Variants in CFAP77 observed in about 807,000 individuals in gnomAD.
CFAP77 encodes the protein cilia- and flagella-associated protein 77.
Under a neutral mutation model 31.1 loss-of-function variants are expected in CFAP77, and 25 were observed. That is an observed-to-expected ratio of 0.80 (90% confidence interval 0.59 to 1.12). The LOEUF (loss-of-function observed/expected upper bound fraction) is 1.12. Among genes scored for constraint, CFAP77 ranks in the 50% most tolerant of loss-of-function variants. The pLI is 0.00. For missense variants in CFAP77, 377 were observed against 397.3 expected (o/e 0.95, Z 0.44); for synonymous variants, 151 against 159.9 (o/e 0.94, Z 0.42).
chr9:132,486,319 C>T (rs1039604930), intron 1 of CFAP77, among the ~76,000 whole-genome samples: 1 of 151,198 alleles, frequency 6.6e-6, no homozygotes, highest in African/African-American at 2.4e-5. Context: ...GTCTCGATCT[C>T]CAGACCTCGT....
At chr9:132,553,229 C>T (rs904826575) in intron 5 of CFAP77, among the ~76,000 whole-genome samples, 1 of 152,192 alleles carries the variant, frequency 6.6e-6, no homozygotes, top group African/African-American at 2.4e-5. Flanking sequence ...GCCCCACCCT[C>T]ACGATCCCAT....
At chr9:132,441,319 T>C (rs890669259) in intron 1 of CFAP77, among the ~76,000 whole-genome samples, 8 of 152,226 alleles carry the variant, frequency 5.3e-5, no homozygotes, top group African/African-American at 1.9e-4. Context: ...GGTATCTTTC[T>C]GCAGTGCAAG....
chr9:132,510,716 C>T, intron 3 of CFAP77, among the ~76,000 whole-genome samples: 1 of 152,052 alleles, frequency 6.6e-6, no homozygotes, highest in East Asian at 1.9e-4. Flanking sequence ...GCTCACAGGA[C>T]AGAGCTGCAC....
In CFAP77 at chr9:132,410,331, T is replaced by C; in HGVS notation, c.60T>C (p.Pro20=). The change falls in exon 1 of 6, where the codon CCT becomes CCC. Residue 20 remains proline (P), a synonymous_variant. Transcript: ENST00000393216. ...CGCGATGGAGGAAGCAGCAGCAGCCTGTGCGCCGCACGGTCAGCCAGGTCT... is the reference window on the plus strand; with the variant it reads ...CGCGATGGAGGAAGCAGCAGCAGCCCGTGCGCCGCACGGTCAGCCAGGTCT... ...DLTRWRKQQQ[P]VRRTVSQVCP... 1.3e-6 allele frequency: 2 copies of C among 1,597,818 alleles called. No homozygotes were observed. The highest frequency in any genetic ancestry group is 2.3e-5 in the East Asian group (1 of 43,492).
At chr9:132,515,402 A>G (rs1336697162) in intron 3 of CFAP77, among the ~76,000 whole-genome samples, 1 of 152,090 alleles carries the variant, frequency 6.6e-6, no homozygotes, top group Non-Finnish European at 1.5e-5. Flanking sequence ...CCCTGGGCAC[A>G]CTTGCCTTCC....
intron 5 of CFAP77, among the ~76,000 whole-genome samples, chr9:132,555,309 C>A (rs2119089493): frequency 6.6e-6 from 1 of 152,298 alleles, no homozygotes; most frequent in East Asian, 1.9e-4. Flanking sequence ...AATAACAACA[C>A]CAAACCTCGT....
chr9:132,462,783 T>C (rs1468483459), intron 1 of CFAP77, among the ~76,000 whole-genome samples: 2 of 151,900 alleles, frequency 1.3e-5, no homozygotes, highest in African/African-American at 4.8e-5. Context: ...GCCACCGCAC[T>C]CCAGCTTGGG....
At chr9:132,493,869 C>G (rs1434605902) in intron 1 of CFAP77, among the ~76,000 whole-genome samples, 1 of 149,664 alleles carries the variant, frequency 6.7e-6, no homozygotes, top group African/African-American at 2.5e-5. Flanking sequence ...TTTCTCTTTT[C>G]TTTTCTTTCC....
intron 1 of CFAP77, among the ~76,000 whole-genome samples, chr9:132,477,246 C>G (rs927492123): frequency 3.9e-5 from 6 of 152,184 alleles, no homozygotes; most frequent in African/African-American, 1.4e-4. Context: ...AATCTGTAAA[C>G]CCGGCACAAG....
chr9:132,503,874 C>G (rs913501128), intron 3 of CFAP77, among the ~76,000 whole-genome samples: 2 of 152,120 alleles, frequency 1.3e-5, no homozygotes, highest in African/African-American at 4.8e-5. Flanking sequence ...TATGGTGAAA[C>G]CTCGTCTCCA....
At chr9:132,486,284 G>A (rs1454210205) in intron 1 of CFAP77, among the ~76,000 whole-genome samples, 1 of 149,994 alleles carries the variant, frequency 6.7e-6, no homozygotes, top group East Asian at 2.0e-4. Flanking sequence ...AATAGAGATG[G>A]CGTTTCACCG....
At chr9:132,477,525 C>T (rs193215163) in intron 1 of CFAP77, among the ~76,000 whole-genome samples, 151 of 152,222 alleles carry the variant, frequency 9.9e-4, no homozygotes, top group Non-Finnish European at 1.7e-3. Context: ...AGTGGGAGGT[C>T]GGGTCAGGAA....
chr9:132,513,441 C>T (rs1179043758), intron 3 of CFAP77: 5 of 1,398,556 alleles, frequency 3.6e-6, no homozygotes, highest in Non-Finnish European at 4.7e-6. Context: ...CTAGCCTCAG[C>T]CCCTCCCCGT....
chr9:132,513,782 T>C (rs1852086188), intron 3 of CFAP77, among the ~76,000 whole-genome samples: 1 of 152,216 alleles, frequency 6.6e-6, no homozygotes, highest in Admixed American at 6.5e-5. Flanking sequence ...CGAGCAGAGC[T>C]GCTGGTTGGA....
At chr9:132,486,091 T>TATATATATA (rs1491144658) in intron 1 of CFAP77, among the ~76,000 whole-genome samples, 1 of 15,542 alleles carries the variant, frequency 6.4e-5, no homozygotes, top group African/African-American at 3.1e-4. Context: ...TATATATATA[T>TATATATATA]TTTTTTTTTT....
chr9:132,563,445 G>C (rs1005895331), intron 5 of CFAP77, among the ~76,000 whole-genome samples: 3 of 152,332 alleles, frequency 2.0e-5, no homozygotes, highest in Non-Finnish European at 4.4e-5. Context: ...CTGCCATGTT[G>C]GGTGGGGCCT....
At chr9:132,516,088 G>T (rs991281981) in intron 3 of CFAP77, among the ~76,000 whole-genome samples, 1 of 152,344 alleles carries the variant, frequency 6.6e-6, no homozygotes, top group African/African-American at 2.4e-5. Flanking sequence ...CTGGTCTAAA[G>T]TTGGCAGCTC....
chr9:132,566,548 G>A lies in CFAP77; in HGVS notation c.733-5840G>A, dbSNP rs565741347. Among the ~76,000 whole-genome samples, 19 of 152,266 alleles carry A rather than the reference G, an allele frequency of 1.2e-4. 1 individual carries two copies. Among genetic ancestry groups the A allele is most frequent in the Admixed American group, 1.1e-3 (17 of 15,298 alleles). On this transcript the variant is annotated intron_variant, in intron 5 of 5. Coordinates refer to ENST00000393216, the MANE Select transcript of CFAP77 (RefSeq NM_001282957.2). Reference sequence around the variant, plus strand: ...ATTTTGCAGAGAGGCACCCAGCTACGAGGCCCGTTGAGGACTGGAACTCCC... The same window carrying A: ...ATTTTGCAGAGAGGCACCCAGCTACAAGGCCCGTTGAGGACTGGAACTCCC...
At chr9:132,531,300 C>T (rs1277081199) in intron 3 of CFAP77, among the ~76,000 whole-genome samples, 3 of 152,188 alleles carry the variant, frequency 2.0e-5, no homozygotes, top group African/African-American at 7.2e-5. Flanking sequence ...ACCATACCCG[C>T]CCTCGTGATG....
Sources: allele counts gnomAD v4.1 joint callset (sites outside exome capture counted in the v4.1 genomes callset), GRCh38; gene constraint gnomAD v4.1.1; transcripts MANE v1.5; gene names NCBI Gene and HGNC (gene_info 2026-07-23, HGNC 2026-07-21).